Variants in SGCZ observed in about 807,000 individuals in gnomAD.
The protein encoded by SGCZ is sarcoglycan zeta.
SGCZ carries 40 observed loss-of-function variants against 41.3 expected under a neutral mutation model. That is an observed-to-expected ratio of 0.97 (90% CI 0.75 to 1.26). The LOEUF (loss-of-function observed/expected upper bound fraction) is 1.26. SGCZ is among the 50% of genes most tolerant of loss of function. The pLI is 0.00. For missense variants in SGCZ, 552 were observed against 369.8 expected, an observed-to-expected ratio of 1.49 and a Z score of -4.04; for synonymous variants, 206 against 137.5, an observed-to-expected ratio of 1.50 and a Z score of -3.49.
intron 5 of SGCZ, among the ~76,000 whole-genome samples, chr8:14,136,220 C>G (rs1163686751): frequency 3.3e-5 from 5 of 152,156 alleles, no homozygotes; most frequent in African/African-American, 4.8e-5. Context: ...CAGTCTACAG[C>G]TCCCAGTGTG....
chr8:14,942,422 A>T (rs1800306167), intron 1 of SGCZ, among the ~76,000 whole-genome samples: 2 of 152,148 alleles, frequency 1.3e-5, no homozygotes, highest in Non-Finnish European at 2.9e-5. Context: ...TTCCTGGGGT[A>T]ACTCTTTTAA....
At chr8:14,573,516 A>G (rs1804622621) in intron 1 of SGCZ, among the ~76,000 whole-genome samples, 1 of 152,212 alleles carries the variant, frequency 6.6e-6, no homozygotes, top group South Asian at 2.1e-4. Context: ...TATTAAACAC[A>G]TTACCAATTT....
chr8:14,488,131 G>A (rs192421564), intron 2 of SGCZ, among the ~76,000 whole-genome samples: 7 of 120,162 alleles, frequency 5.8e-5, no homozygotes, highest in Non-Finnish European at 1.1e-4. Flanking sequence ...AGTTCTGAAC[G>A]CTGGATTCCC....
At chr8:14,120,550 TCTTA>T (rs1802666740) in intron 5 of SGCZ, among the ~76,000 whole-genome samples, 1 of 152,106 alleles carries the variant, frequency 6.6e-6, no homozygotes, top group Non-Finnish European at 1.5e-5. Flanking sequence ...ATAGTTCTTG[TCTTA>T]CTAAGGAAAA....
At chr8:14,539,189 C>T (rs147040476) in intron 2 of SGCZ, among the ~76,000 whole-genome samples, 3 of 152,088 alleles carry the variant, frequency 2.0e-5, no homozygotes, top group East Asian at 1.9e-4. Flanking sequence ...ACTAAAGCAT[C>T]GTATCTTCCC....
At chr8:14,390,702 T>C (rs1459303763) in intron 2 of SGCZ, among the ~76,000 whole-genome samples, 1 of 152,006 alleles carries the variant, frequency 6.6e-6, no homozygotes, top group Non-Finnish European at 1.5e-5. Flanking sequence ...ATTTAAATTA[T>C]ATGAAAATAT....
chr8:14,349,848 C>G (rs895167399), intron 2 of SGCZ, among the ~76,000 whole-genome samples: 2 of 152,000 alleles, frequency 1.3e-5, no homozygotes, highest in African/African-American at 2.4e-5. Flanking sequence ...AGTTCTATGA[C>G]CAAATAAGTT....
chr8:14,409,650 T>C (rs1285852591), intron 2 of SGCZ, among the ~76,000 whole-genome samples: 1 of 152,124 alleles, frequency 6.6e-6, no homozygotes, highest in African/African-American at 2.4e-5. Context: ...TGCTATTACA[T>C]GTCAGCAAAA....
intron 5 of SGCZ, among the ~76,000 whole-genome samples, chr8:14,120,481 G>T (rs1048438683): frequency 6.6e-6 from 1 of 151,922 alleles, no homozygotes; most frequent in African/African-American, 2.4e-5. Context: ...TTACACAAAA[G>T]TACAATGTGG....
chr8:14,486,108 A>G (rs1347366617), intron 2 of SGCZ, among the ~76,000 whole-genome samples: 2 of 152,184 alleles, frequency 1.3e-5, no homozygotes, highest in African/African-American at 4.8e-5. Context: ...AAAAATATGT[A>G]ACTATGTTTA....
intron 2 of SGCZ, among the ~76,000 whole-genome samples, chr8:14,348,901 G>C (rs1802988092): frequency 6.6e-6 from 1 of 151,894 alleles, no homozygotes; most frequent in African/African-American, 2.4e-5. Context: ...AACACTTTTA[G>C]GATCTCTACG....
chr8:14,918,810 T>C (rs779777880), intron 1 of SGCZ, among the ~76,000 whole-genome samples: 4 of 152,228 alleles, frequency 2.6e-5, no homozygotes, highest in African/African-American at 7.2e-5. Context: ...AGAACAGTAG[T>C]GCAGACCAGC....
intron 2 of SGCZ, among the ~76,000 whole-genome samples, chr8:14,457,341 C>A (rs1163906047): frequency 6.6e-6 from 1 of 152,216 alleles, no homozygotes; most frequent in East Asian, 1.9e-4. Flanking sequence ...ACGCCAGCGT[C>A]TGGGAAGATG....
At chr8:14,277,148 A>T (rs988491434) in intron 3 of SGCZ, among the ~76,000 whole-genome samples, 2 of 152,176 alleles carry the variant, frequency 1.3e-5, no homozygotes, top group African/African-American at 4.8e-5. Context: ...CTCACATATT[A>T]AATAGAGTCT....
intron 1 of SGCZ, among the ~76,000 whole-genome samples, chr8:14,593,089 A>AC (rs1190316608): frequency 6.6e-6 from 1 of 151,932 alleles, no homozygotes; most frequent in East Asian, 1.9e-4. Context: ...GCACCTCCTC[A>AC]CCCCCAAAGA....
intron 1 of SGCZ, among the ~76,000 whole-genome samples, chr8:15,024,830 G>A (rs1455783979): frequency 1.3e-5 from 2 of 152,068 alleles, no homozygotes; most frequent in Non-Finnish European, 2.9e-5. Flanking sequence ...CAGCTACTAA[G>A]GAGGCTGAGG....
chr8:14,230,780 C>T (rs893086165), intron 4 of SGCZ, among the ~76,000 whole-genome samples: 1 of 147,480 alleles, frequency 6.8e-6, no homozygotes, highest in Non-Finnish European at 1.5e-5. Context: ...GGGGTGGTTA[C>T]TCAAACATCT....
At chr8:14,765,433 G>A (rs1251958200) in intron 1 of SGCZ, among the ~76,000 whole-genome samples, 2 of 152,240 alleles carry the variant, frequency 1.3e-5, no homozygotes, top group South Asian at 2.1e-4. Context: ...GGCCTAGACA[G>A]ACTCATAACT....
intron 3 of SGCZ, among the ~76,000 whole-genome samples, chr8:14,251,582 C>T (rs1036782062): frequency 3.9e-5 from 6 of 152,144 alleles, no homozygotes; most frequent in South Asian, 2.1e-4. Flanking sequence ...TGAATCTCCA[C>T]TGAATTTTGG....
Sources: gnomAD v4.1 joint callset for allele counts (sites outside exome capture counted in the v4.1 genomes callset) on GRCh38, gnomAD v4.1.1 for gene constraint, MANE v1.5 for transcripts, NCBI Gene and HGNC (gene_info 2026-07-23, HGNC 2026-07-21) for gene names.